Variants in JADE1 observed in about 807,000 individuals in gnomAD.
JADE1 encodes jade family PHD finger 1, also known as protein Jade-1.
JADE1 carries 14 observed loss-of-function variants against 81.8 expected under a neutral mutation model. The ratio of observed to expected loss-of-function variants is 0.17; its 90% CI spans 0.11 to 0.27. The LOEUF is 0.27. JADE1 is among the 10% of genes least tolerant of loss of function. The pLI, the probability that JADE1 is intolerant of heterozygous loss-of-function variation, is 1.00. For missense variants in JADE1, 690 were observed against 1,047.9 expected (o/e 0.66, Z 4.71); for synonymous variants, 353 against 391.9 (o/e 0.90, Z 1.17).
chr4:128,872,509 C>A lies in JADE1; in HGVS notation c.*247C>A. On this transcript the variant is annotated 3_prime_UTR_variant, in exon 11 of 11. Coordinates refer to ENST00000226319, the MANE Select transcript of JADE1 (RefSeq NM_199320.4). Reference sequence around the variant, plus strand: ...ATAAGACACTGCTAAGACTAGAACCCGAACTGAACACTAAAATAAAAATGA... The same window carrying A: ...ATAAGACACTGCTAAGACTAGAACCAGAACTGAACACTAAAATAAAAATGA... 1 of 447,030 alleles carries A rather than the reference C, an allele frequency of 2.2e-6. No homozygotes were observed. The highest frequency in any genetic ancestry group is 4.0e-6 in the Non-Finnish European group (1 of 250,976). 27.7% of individuals were successfully genotyped at this position (447,030 alleles called of 1,614,324 possible).
chr4:128,872,365 A>T lies in JADE1; in HGVS notation c.*103A>T. 1 of 938,710 alleles carries T rather than the reference A, an allele frequency of 1.1e-6. No individual in the cohort carries two copies. 58.1% of individuals were successfully genotyped at this position (938,710 alleles called of 1,614,324 possible). ...CAGAAACCCATTAATCCTGAGCTAC[A>T]CAAACACATTTACTTGCAATTCAGA... On this transcript the variant is annotated 3_prime_UTR_variant, in exon 11 of 11. Transcript: ENST00000226319.
chr4:128,816,195 T>C (rs1727017710), intron 1 of JADE1, among the ~76,000 whole-genome samples: 1 of 152,202 alleles, frequency 6.6e-6, no homozygotes, highest in Admixed American at 6.5e-5. Context: ...TGACCATGTA[T>C]TTACAATCTG....
Position 128,861,656 on chromosome 4 carries a change from A to G in JADE1, c.982-48A>G, listed in dbSNP as rs1436691418. 3 of 1,584,168 alleles carry G rather than the reference A, an allele frequency of 1.9e-6. No homozygotes were observed. In the East Asian group the frequency reaches 6.7e-5, roughly 36 times the overall value. On this transcript the variant is annotated intron_variant, in intron 8 of 10. Coordinates refer to ENST00000226319, the MANE Select transcript of JADE1 (RefSeq NM_199320.4). ...CTAGCACTGCAGGCCTTCTGCCATC[A>G]TTGCTCTATAATGGTCTATTCTCAT...
At chr4:128,843,603 T>C (rs1016036405) in intron 3 of JADE1, among the ~76,000 whole-genome samples, 6 of 152,354 alleles carry the variant, frequency 3.9e-5, no homozygotes, top group Admixed American at 6.5e-5. Context: ...TGCATTTCTT[T>C]CTGCTGGTCT....
chr4:128,842,487 G>A (rs187416838), intron 2 of JADE1, among the ~76,000 whole-genome samples: 1 of 152,074 alleles, frequency 6.6e-6, no homozygotes, highest in East Asian at 1.9e-4. Flanking sequence ...TTTAGTAGAG[G>A]TGGGGTTTCA....
intron 2 of JADE1, among the ~76,000 whole-genome samples, chr4:128,836,666 A>C (rs974577806): frequency 6.6e-6 from 1 of 152,090 alleles, no homozygotes; most frequent in African/African-American, 2.4e-5. Flanking sequence ...TTAAACATCA[A>C]GTAACCTTGT....
chr4:128,864,542 G>T (rs767224173), intron 9 of JADE1: 9 of 985,376 alleles, frequency 9.1e-6, no homozygotes, highest in Non-Finnish European at 1.1e-5. Flanking sequence ...TGAAATCTTT[G>T]CCTTGCCCAG....
intron 1 of JADE1, among the ~76,000 whole-genome samples, chr4:128,830,177 G>A (rs1560736815): frequency 6.6e-6 from 1 of 150,766 alleles, no homozygotes; most frequent in Non-Finnish European, 1.5e-5. Context: ...CACCCAGCCC[G>A]GTTTTCCACA....
Position 128,857,397 on chromosome 4 carries a change from C to A in JADE1, c.924C>A (p.Ser308Arg), listed in dbSNP as rs200666132. The A allele has an allele frequency of 1.2e-5, 19 of 1,614,050 alleles. No individual in the cohort carries two copies. In the Admixed American group the frequency reaches 2.2e-4, roughly 18 times the overall value. ...EPITKVSHIP[S>R]SRWALVCSLC... Reference sequence around the variant, plus strand: ...TCACCAAGGTGTCACACATTCCCAGCAGCCGGTGGGCGCTAGTGTGCAGCC... The same window carrying A: ...TCACCAAGGTGTCACACATTCCCAGAAGCCGGTGGGCGCTAGTGTGCAGCC... Residue 308 changes from serine to arginine, a missense_variant, in exon 8 of 11, where the codon AGC becomes AGA. Transcript: ENST00000226319.
chr4:128,830,763 T>C (rs1487658697), intron 1 of JADE1, among the ~76,000 whole-genome samples: 1 of 152,180 alleles, frequency 6.6e-6, no homozygotes, highest in East Asian at 1.9e-4. Flanking sequence ...TTTGTATTTG[T>C]TTAGAGAGCT....
chr4:128,871,234 A>T lies in JADE1; in HGVS notation c.1622-121A>T. On this transcript the variant is annotated intron_variant, in intron 10 of 10. Coordinates refer to ENST00000226319, the MANE Select transcript of JADE1 (RefSeq NM_199320.4). This position sits in a 1 kb window ranked among gnomAD's most constrained non-coding sequence, Gnocchi z 4.1. Reference sequence around the variant, plus strand: ...CAAATTTGTACAAACTTGGTGGTGTAAGTGTTGTGTTGTTGGGTGGGGAGT... The same window carrying T: ...CAAATTTGTACAAACTTGGTGGTGTTAGTGTTGTGTTGTTGGGTGGGGAGT... 1.1e-6 allele frequency: 1 copy of T among 934,358 alleles called. No individual in the cohort carries two copies. Among genetic ancestry groups the T allele is most frequent in the Non-Finnish European group, 1.6e-6 (1 of 618,218 alleles). The allele number at this position is 934,358 out of a possible 1,614,324, so 57.9% of individuals were successfully genotyped here.
intron 7 of JADE1, among the ~76,000 whole-genome samples, chr4:128,856,462 C>A (rs1343482595): frequency 6.6e-6 from 1 of 152,132 alleles, no homozygotes; most frequent in African/African-American, 2.4e-5. Flanking sequence ...TGTGTCATTC[C>A]CCAAGGATCA....
At chr4:128,816,703 A>G (rs1413346250) in intron 1 of JADE1, among the ~76,000 whole-genome samples, 3 of 152,210 alleles carry the variant, frequency 2.0e-5, no homozygotes, top group African/African-American at 4.8e-5. Context: ...GCACACAGTA[A>G]ATGTTCAGTG....
At chr4:128,865,293 G>A (rs1303949591) in intron 9 of JADE1, among the ~76,000 whole-genome samples, 2 of 152,198 alleles carry the variant, frequency 1.3e-5, no homozygotes, top group East Asian at 1.9e-4. Context: ...ACTTAGGAAT[G>A]CAGATTCATG....
At chr4:128,866,090 G>A (rs993143979) in intron 9 of JADE1, among the ~76,000 whole-genome samples, 11 of 152,114 alleles carry the variant, frequency 7.2e-5, no homozygotes, top group Non-Finnish European at 1.5e-4. Flanking sequence ...GAACAATATC[G>A]AAGAGAGGAG....
chr4:128,839,551 C>T (rs917758604), intron 2 of JADE1, among the ~76,000 whole-genome samples: 5 of 152,146 alleles, frequency 3.3e-5, no homozygotes, highest in African/African-American at 1.2e-4. Context: ...TCAAGATAAT[C>T]CTTCCCTCCC....
intron 1 of JADE1, among the ~76,000 whole-genome samples, chr4:128,831,236 C>T (rs932231881): frequency 5.3e-5 from 8 of 152,054 alleles, no homozygotes; most frequent in African/African-American, 1.5e-4. Flanking sequence ...TTGTTTCTTT[C>T]GCCTTTAGGG....
intron 1 of JADE1, among the ~76,000 whole-genome samples, chr4:128,820,698 T>A (rs571646451): frequency 4.0e-5 from 6 of 151,758 alleles, no homozygotes; most frequent in East Asian, 3.9e-4. Flanking sequence ...TTTTTTTTTT[T>A]AAAACAGTAC....
intron 1 of JADE1, among the ~76,000 whole-genome samples, chr4:128,813,572 C>T (rs1726698442): frequency 6.6e-6 from 1 of 151,994 alleles, no homozygotes; most frequent in South Asian, 2.1e-4. Context: ...GCGCGTGCCA[C>T]CACGGCTGGC....
Sources: allele counts gnomAD v4.1 joint callset (sites outside exome capture counted in the v4.1 genomes callset), GRCh38; gene constraint gnomAD v4.1.1; non-coding constraint Gnocchi (gnomAD v3.1); transcripts MANE v1.5; gene names NCBI Gene and HGNC (gene_info 2026-07-23, HGNC 2026-07-21).